The following CDKL4 variants were observed in gnomAD, a reference collection of about 807,000 sequenced individuals.
CDKL4 encodes the protein cyclin-dependent kinase-like 4.
CDKL4 carries 44 observed loss-of-function variants against 42.0 expected under a neutral mutation model. That is an observed-to-expected ratio of 1.05 (90% CI 0.82 to 1.35). The LOEUF is 1.35. CDKL4 is among the 40% of genes most tolerant of loss of function. CDKL4 has a pLI of 0.00. For missense variants in CDKL4, 393 were observed against 369.9 expected (o/e 1.06, Z -0.51); for synonymous variants, 120 against 121.6 (o/e 0.99, Z 0.09).
downstream of CDKL4, among the ~76,000 whole-genome samples, chr2:39,173,537 C>T (rs1309831397): frequency 3.3e-5 from 5 of 151,896 alleles, no homozygotes; most frequent in South Asian, 8.3e-4. Flanking sequence ...GAGCCGGGCG[C>T]GGTGGCTCAC....
intron 8 of CDKL4, among the ~76,000 whole-genome samples, chr2:39,181,026 T>C (rs1013587954): frequency 6.6e-6 from 1 of 152,246 alleles, no homozygotes; most frequent in African/African-American, 2.4e-5. Flanking sequence ...TAGTCTCTAC[T>C]TCTTTATCAC....
the CDKL4 span, among the ~76,000 whole-genome samples, chr2:39,170,332 T>C: frequency 7.8e-5 from 11 of 141,802 alleles, no homozygotes; most frequent in Admixed American, 7.0e-4. Context: ...AAAGAAAAGA[T>C]AAAACAAACA....
intron 5 of CDKL4, among the ~76,000 whole-genome samples, chr2:39,201,266 C>G (rs1230452788): frequency 6.6e-6 from 1 of 150,664 alleles, no homozygotes; most frequent in Non-Finnish European, 1.5e-5. Flanking sequence ...TAATGTGATA[C>G]CACTTTACTC....
chr2:39,245,039 T>A (rs1679852408), upstream of CDKL4, among the ~76,000 whole-genome samples: 1 of 152,162 alleles, frequency 6.6e-6, no homozygotes, highest in Non-Finnish European at 1.5e-5. Context: ...ACCACTGGGT[T>A]CTACCAATCA....
intron 3 of CDKL4, among the ~76,000 whole-genome samples, chr2:39,217,002 A>G (rs539665658): frequency 3.9e-5 from 6 of 152,324 alleles, no homozygotes; most frequent in African/African-American, 1.2e-4. Flanking sequence ...CAAAGAGAAG[A>G]TAGCCATCAA....
intron 1 of CDKL4, among the ~76,000 whole-genome samples, chr2:39,243,069 G>A (rs1679739332): frequency 7.4e-6 from 1 of 135,354 alleles, no homozygotes; most frequent in Non-Finnish European, 1.5e-5. Context: ...AGCCAAGGTG[G>A]CGCCACCGCC....
At chr2:39,246,270 C>T (rs2148421240), upstream of CDKL4, among the ~76,000 whole-genome samples, 1 of 152,300 alleles carries the variant, frequency 6.6e-6, no homozygotes, top group East Asian at 1.9e-4. Context: ...CCTTTATCTC[C>T]TTCCTCTTTT....
chr2:39,213,030 T>C (rs1677682546), intron 4 of CDKL4, among the ~76,000 whole-genome samples: 1 of 152,194 alleles, frequency 6.6e-6, no homozygotes, highest in Non-Finnish European at 1.5e-5. Flanking sequence ...AAAGGAATCA[T>C]TATATTTATT....
At chr2:39,199,094 A>G (rs1676693947) in intron 5 of CDKL4, among the ~76,000 whole-genome samples, 1 of 152,162 alleles carries the variant, frequency 6.6e-6, no homozygotes, top group South Asian at 2.1e-4. Flanking sequence ...GCCATTAGCA[A>G]GATTAACCAA....
At chr2:39,188,747 T>A (rs1355926573) in intron 6 of CDKL4, among the ~76,000 whole-genome samples, 1 of 151,996 alleles carries the variant, frequency 6.6e-6, no homozygotes, top group Non-Finnish European at 1.5e-5. Flanking sequence ...TGGAGTGCAG[T>A]GGCATGATCA....
rs1372239842 is a variant in CDKL4, at chr2:39,219,995, CCCACTTCACAGAT to C, written c.290+5831_290+5843del. On this transcript the variant is annotated intron_variant, in intron 3 of 9. Coordinates refer to ENST00000451199, the Ensembl canonical transcript of CDKL4. ...CCCCTTACTTCTTGTTTCTGTAGGA[CCCACTTCACAGAT>C]CCACTGGGATCTCCATGAGATTACT... Among the ~76,000 whole-genome samples, 3 of 152,150 alleles carry C rather than the reference CCCACTTCACAGAT, an allele frequency of 2.0e-5. No individual in the cohort carries two copies. The East Asian group carries it at 5.8e-4, about 29-fold the overall frequency.
At position 39,178,515 on chromosome 2, in the gene CDKL4, C is replaced by T. The variant is rs953258619; in HGVS notation, c.927+672G>A. On this transcript the variant is annotated intron_variant, in intron 9 of 9. Transcript: ENST00000451199. ...CCGGGTTTACAAGGTGAGAAAAAGC[C>T]CTGAACCAAAACAAACCTATTTCCA... The T allele has an allele frequency of 4.5e-6, 7 of 1,543,956 alleles. No individual in the cohort carries two copies. The South Asian group carries it at 8.4e-5, about 18-fold the overall frequency.
chr2:39,182,063 C>G (rs1446560554), intron 8 of CDKL4, among the ~76,000 whole-genome samples: 1 of 152,132 alleles, frequency 6.6e-6, no homozygotes, highest in Non-Finnish European at 1.5e-5. Flanking sequence ...CTCACTGCGG[C>G]CTTCAGCTCC....
chr2:39,240,803 T>C (rs1573039410), intron 1 of CDKL4, among the ~76,000 whole-genome samples: 1 of 151,652 alleles, frequency 6.6e-6, no homozygotes, highest in Non-Finnish European at 1.5e-5. Flanking sequence ...AAAAGACAAA[T>C]GTGCAAGTGA....
intron 3 of CDKL4, among the ~76,000 whole-genome samples, chr2:39,220,976 C>T (rs1313073938): frequency 1.2e-3 from 58 of 49,108 alleles, no homozygotes; most frequent in East Asian, 2.9e-3. Flanking sequence ...CATCGACGAT[C>T]TTTTTTTTTT....
intron 5 of CDKL4, among the ~76,000 whole-genome samples, chr2:39,195,554 C>A (rs2148314992): frequency 6.6e-6 from 1 of 152,156 alleles, no homozygotes; most frequent in Middle Eastern, 3.4e-3. Context: ...TTGCATATCC[C>A]TAATGATTAC....
At chr2:39,185,121 C>A (rs11900707) in intron 7 of CDKL4, among the ~76,000 whole-genome samples, 1 of 129,064 alleles carries the variant, frequency 7.7e-6, no homozygotes, top group Non-Finnish European at 1.6e-5. Flanking sequence ...TATATATATA[C>A]ACACACATAT....
chr2:39,205,087 G>A (rs765910451), intron 4 of CDKL4, among the ~76,000 whole-genome samples: 3 of 152,094 alleles, frequency 2.0e-5, no homozygotes, highest in Non-Finnish European at 2.9e-5. Flanking sequence ...GGCTGAGGCC[G>A]AAGGATCATT....
chr2:39,240,608 G>A (rs1471941474), intron 1 of CDKL4, among the ~76,000 whole-genome samples: 1 of 149,154 alleles, frequency 6.7e-6, no homozygotes, highest in Admixed American at 6.7e-5. Flanking sequence ...ACAAAATGTG[G>A]ATTATCCATG....
Sources: gnomAD v4.1 joint callset for allele counts (sites outside exome capture counted in the v4.1 genomes callset) on GRCh38, gnomAD v4.1.1 for gene constraint, MANE v1.5 for transcripts, NCBI Gene and HGNC (gene_info 2026-07-23, HGNC 2026-07-21) for gene names.